Variants in DLC1 observed in about 807,000 individuals in gnomAD.
DLC1 encodes the protein DLC1 Rho GTPase activating protein.
DLC1 carries 54 observed loss-of-function variants against 140.3 expected under a neutral mutation model. The ratio of observed to expected loss-of-function variants is 0.38; its 90% CI spans 0.31 to 0.48. The LOEUF is 0.48. Among genes scored for constraint, DLC1 ranks in the 20% least tolerant of loss-of-function variants. DLC1 has a pLI of 0.96. For missense variants in DLC1, 2,536 were observed against 1,907.0 expected (o/e 1.33, Z -6.14); for synonymous variants, 986 against 728.1 (o/e 1.35, Z -5.70).
At position 13,500,122 on chromosome 8, in the gene DLC1, A is replaced by C. The variant is rs776012687; in HGVS notation, c.-51T>G. 1.4e-6 allele frequency: 2 copies of C among 1,452,858 alleles called. No homozygotes were observed. Among genetic ancestry groups the C allele is most frequent in the South Asian group, 2.6e-5 (2 of 78,422 alleles). The allele number at this position is 1,452,858 out of a possible 1,614,324, so 90.0% of individuals were successfully genotyped here. A position where few individuals can be genotyped will look rare whatever the true frequency, so the allele number is the denominator to read the frequency against. On this transcript the variant is annotated 5_prime_UTR_variant, in exon 2 of 18. Transcript: ENST00000276297. Reference sequence around the variant, plus strand: ...AGAGATATATTCCATATGAGGGTAAAGGAGATGGAACTTGATGAAAGATTA... The same window carrying C: ...AGAGATATATTCCATATGAGGGTAACGGAGATGGAACTTGATGAAAGATTA...
chr8:13,304,374 A>G (rs1832331274), intron 5 of DLC1, among the ~76,000 whole-genome samples: 1 of 152,236 alleles, frequency 6.6e-6, no homozygotes, highest in Admixed American at 6.5e-5. Flanking sequence ...TACAGCCTAA[A>G]CATGAGAGAA....
At chr8:13,271,471 C>G (rs779436161) in intron 5 of DLC1, among the ~76,000 whole-genome samples, 3 of 152,272 alleles carry the variant, frequency 2.0e-5, no homozygotes, top group Middle Eastern at 6.8e-3. Context: ...AATTGGAGGA[C>G]TCATCAGCTG....
At chr8:13,246,502 G>A (rs1245394366) in intron 5 of DLC1, among the ~76,000 whole-genome samples, 1 of 152,152 alleles carries the variant, frequency 6.6e-6, no homozygotes, top group Non-Finnish European at 1.5e-5. Flanking sequence ...GAGAGAAGGA[G>A]AGAGTATGAC....
chr8:13,153,490 G>A (rs573425789), intron 5 of DLC1, among the ~76,000 whole-genome samples: 2 of 152,308 alleles, frequency 1.3e-5, no homozygotes, highest in East Asian at 1.9e-4. Context: ...CCACAGTGTG[G>A]AAAACGACCC....
intron 5 of DLC1, among the ~76,000 whole-genome samples, chr8:13,155,132 CTT>C (rs34191257): frequency 0.34 from 49,948 of 144,980 alleles, 9,420 homozygotes; most frequent in East Asian, 0.53. Flanking sequence ...ACTTGCGCTG[CTT>C]TTTTTTTTTT....
At chr8:13,448,056 C>T (rs1798865370) in intron 2 of DLC1, among the ~76,000 whole-genome samples, 1 of 152,118 alleles carries the variant, frequency 6.6e-6, no homozygotes, top group South Asian at 2.1e-4. Context: ...ATGTTAATGA[C>T]TTTACTATGC....
At chr8:13,450,275 T>G (rs560189629) in intron 2 of DLC1, among the ~76,000 whole-genome samples, 1 of 151,434 alleles carries the variant, frequency 6.6e-6, no homozygotes, top group Non-Finnish European at 1.5e-5. Flanking sequence ...GCCAACATGG[T>G]GAAACGCTGT....
At chr8:13,562,275 C>G (rs1225797302) in intron 1 of DLC1, among the ~76,000 whole-genome samples, 2 of 151,976 alleles carry the variant, frequency 1.3e-5, no homozygotes, top group African/African-American at 4.8e-5. Context: ...CAAAACACAG[C>G]ATAGACAAAT....
At chr8:13,310,880 C>A (rs967844605) in intron 4 of DLC1, among the ~76,000 whole-genome samples, 4 of 151,954 alleles carry the variant, frequency 2.6e-5, no homozygotes, top group African/African-American at 9.7e-5. Context: ...TTTGTGTTTC[C>A]CAATCTTCAG....
chr8:13,206,940 G>C lies in DLC1; in HGVS notation c.1349-91283C>G, dbSNP rs570396108. Among the ~76,000 whole-genome samples the C allele has an allele frequency of 3.1e-3, 469 of 152,130 alleles. 2 individuals carry two copies. Among genetic ancestry groups the C allele is most frequent in the African/African-American group, 0.011 (439 of 41,530 alleles). On this transcript the variant is annotated intron_variant, in intron 5 of 17. Transcript: ENST00000276297. ...GCAGCTGTCACTATTATGCTACTGA[G>C]AATACATTTTTTTAAACATTACATA...
In DLC1 at chr8:13,561,030, C is replaced by G. The variant is rs150393743; in HGVS notation, c.-126+43507G>C. Among the ~76,000 whole-genome samples the G allele has an allele frequency of 4.5e-4, 68 of 152,012 alleles. 2 individuals are homozygous for G. The East Asian group carries it at 7.3e-3, about 16-fold the overall frequency. ...TGGGGACATTTGGAATGTCTAGGCTCAAACTTTGTGTGCTAGTTCGTATTT... is the reference window on the plus strand; with the variant it reads ...TGGGGACATTTGGAATGTCTAGGCTGAAACTTTGTGTGCTAGTTCGTATTT... On this transcript the variant is annotated intron_variant, in intron 1 of 1. Transcript: ENST00000631382.
intron 5 of DLC1, among the ~76,000 whole-genome samples, chr8:13,175,998 G>A (rs564364482): frequency 6.6e-6 from 1 of 152,206 alleles, no homozygotes; most frequent in South Asian, 2.1e-4. Context: ...TGTAAATGGA[G>A]AATAATTTAT....
At chr8:13,464,169 G>T (rs1414023764) in intron 2 of DLC1, among the ~76,000 whole-genome samples, 1 of 152,126 alleles carries the variant, frequency 6.6e-6, no homozygotes, top group Non-Finnish European at 1.5e-5. Flanking sequence ...GGCTTTTTAG[G>T]CAGATGGATC....
intron 5 of DLC1, among the ~76,000 whole-genome samples, chr8:13,154,283 G>A (rs1365169181): frequency 6.6e-6 from 1 of 152,330 alleles, no homozygotes. Flanking sequence ...TCGGGCCTGC[G>A]GGAGCCCGCT....
chr8:13,353,159 A>T (rs185850362), intron 4 of DLC1, among the ~76,000 whole-genome samples: 1 of 152,326 alleles, frequency 6.6e-6, no homozygotes, highest in South Asian at 2.1e-4. Flanking sequence ...CAAATGAGGC[A>T]GGTTAGAGAA....
At chr8:13,561,247 G>A (rs1804232692) in intron 1 of DLC1, among the ~76,000 whole-genome samples, 1 of 151,796 alleles carries the variant, frequency 6.6e-6, no homozygotes, top group African/African-American at 2.4e-5. Flanking sequence ...AGCCTCCTCA[G>A]TAGCTAGGAC....
chr8:13,551,594 A>G (rs1038741780), intron 1 of DLC1, among the ~76,000 whole-genome samples: 2 of 152,016 alleles, frequency 1.3e-5, no homozygotes, highest in Non-Finnish European at 2.9e-5. Context: ...GGAGTGCTGC[A>G]TAAGGCATGT....
At chr8:13,395,288 A>AT (rs1056727934) in intron 3 of DLC1, among the ~76,000 whole-genome samples, 1 of 151,792 alleles carries the variant, frequency 6.6e-6, no homozygotes, top group Admixed American at 6.6e-5. Flanking sequence ...CACCCAGCTA[A>AT]TTTTTTGTAT....
At chr8:13,187,871 C>A (rs565968392) in intron 5 of DLC1, among the ~76,000 whole-genome samples, 1 of 152,220 alleles carries the variant, frequency 6.6e-6, no homozygotes, top group Admixed American at 6.5e-5. Flanking sequence ...CTAGCACCAG[C>A]CTGAATAGTT....
Sources: allele counts gnomAD v4.1 joint callset (sites outside exome capture counted in the v4.1 genomes callset), GRCh38; gene constraint gnomAD v4.1.1; transcripts MANE v1.5; gene names NCBI Gene and HGNC (gene_info 2026-07-23, HGNC 2026-07-21).